Variants in WDR41 observed in about 807,000 individuals in gnomAD.
The protein encoded by WDR41 is WD repeat-containing protein 41.
In WDR41, 63 loss-of-function variants were observed where a neutral mutation model predicts 69.3. That is an observed-to-expected ratio of 0.91 (90% CI 0.74 to 1.12). The LOEUF (loss-of-function observed/expected upper bound fraction) is 1.12. WDR41 is among the 50% of genes most tolerant of loss of function. WDR41 has a pLI of 0.00. For missense variants in WDR41, 543 were observed against 534.5 expected (o/e 1.02, Z -0.16); for synonymous variants, 185 against 192.1 (o/e 0.96, Z 0.31).
intron 1 of WDR41, among the ~76,000 whole-genome samples, chr5:77,520,965 C>T (rs1802361757): frequency 6.6e-6 from 1 of 152,202 alleles, no homozygotes; most frequent in African/African-American, 2.4e-5. Flanking sequence ...CAACTCATTA[C>T]TACCACCTGA....
intron 2 of WDR41, among the ~76,000 whole-genome samples, chr5:77,483,051 T>C (rs985434648): frequency 3.2e-4 from 48 of 152,138 alleles, no homozygotes; most frequent in African/African-American, 1.1e-3. Context: ...TTCTCACAAT[T>C]TGCCACCCCA....
intron 2 of WDR41, among the ~76,000 whole-genome samples, chr5:77,472,005 A>G (rs1045238896): frequency 2.0e-5 from 3 of 152,234 alleles, no homozygotes; most frequent in African/African-American, 7.2e-5. Flanking sequence ...CCTGATGAAC[A>G]TTGATGCAGA....
chr5:77,575,053 TA>T (rs199783726), intron 1 of WDR41, among the ~76,000 whole-genome samples: 21 of 151,146 alleles, frequency 1.4e-4, no homozygotes, highest in Non-Finnish European at 2.7e-4. Flanking sequence ...TCAGAAAATT[TA>T]AAAAAAAACA....
At chr5:77,582,621 T>C (rs1743959471) in intron 1 of WDR41, 3 of 1,601,288 alleles carry the variant, frequency 1.9e-6, no homozygotes, top group African/African-American at 1.3e-5. Context: ...GCAACTTCTA[T>C]GTACCTGCAG....
At chr5:77,459,303 A>C (rs1581717400) in intron 4 of WDR41, among the ~76,000 whole-genome samples, 179 bp from the exon 5 acceptor site, 1 of 152,188 alleles carries the variant, frequency 6.6e-6, no homozygotes, top group East Asian at 1.9e-4. Context: ...TCAACTTAGC[A>C]AAGCAGGCTT....
At chr5:77,491,626 G>A (rs1801793613) in intron 1 of WDR41, among the ~76,000 whole-genome samples, 1 of 151,672 alleles carries the variant, frequency 6.6e-6, no homozygotes, top group Non-Finnish European at 1.5e-5. Flanking sequence ...AGAAAATCAT[G>A]TTCTTGACCT....
chr5:77,506,317 T>G (rs539907702), intron 1 of WDR41, among the ~76,000 whole-genome samples: 8 of 152,188 alleles, frequency 5.3e-5, no homozygotes, highest in Middle Eastern at 3.4e-3. Context: ...TCAGAGAAAT[T>G]CAAATCAAAA....
chr5:77,490,619 T>C (rs1011983514), intron 1 of WDR41, among the ~76,000 whole-genome samples: 63 of 152,028 alleles, frequency 4.1e-4, no homozygotes, highest in African/African-American at 1.5e-3. Context: ...CCACAAAGCA[T>C]TGATTTTGTA....
intron 8 of WDR41, among the ~76,000 whole-genome samples, chr5:77,449,342 C>T (rs1007026954): frequency 6.6e-6 from 1 of 152,156 alleles, no homozygotes; most frequent in Non-Finnish European, 1.5e-5. Flanking sequence ...GGCTTGAATC[C>T]TGCTCATTCT....
At chr5:77,517,818 G>A (rs974902788) in intron 1 of WDR41, among the ~76,000 whole-genome samples, 2 of 151,606 alleles carry the variant, frequency 1.3e-5, no homozygotes, top group South Asian at 2.1e-4. Flanking sequence ...TAGCCAAAAC[G>A]GTAAAAATAA....
intron 1 of WDR41, among the ~76,000 whole-genome samples, chr5:77,490,310 T>C (rs914794430): frequency 6.6e-5 from 10 of 152,108 alleles, no homozygotes; most frequent in Admixed American, 6.5e-5. Flanking sequence ...TTACAGGACA[T>C]TGAGCAGCAT....
At chr5:77,514,584 G>A (rs982025748) in intron 1 of WDR41, among the ~76,000 whole-genome samples, 14 of 152,096 alleles carry the variant, frequency 9.2e-5, no homozygotes, top group Admixed American at 2.6e-4. Context: ...AACAAACCCT[G>A]GAACATAGTA....
At chr5:77,456,782 G>A (rs1799852115) in intron 5 of WDR41, among the ~76,000 whole-genome samples, 1 of 152,124 alleles carries the variant, frequency 6.6e-6, no homozygotes, top group Non-Finnish European at 1.5e-5. Context: ...ACTCACTGCA[G>A]CCTCGAACTC....
At chr5:77,608,168 C>G (rs1744462815) in intron 1 of WDR41, among the ~76,000 whole-genome samples, 1 of 152,148 alleles carries the variant, frequency 6.6e-6, no homozygotes, top group Non-Finnish European at 1.5e-5. Flanking sequence ...TGGAATCATA[C>G]AGTATTTATC....
At chr5:77,474,439 C>T (rs1309258729) in intron 2 of WDR41, among the ~76,000 whole-genome samples, 2 of 151,434 alleles carry the variant, frequency 1.3e-5, no homozygotes, top group Non-Finnish European at 2.9e-5. Context: ...AGTATAACAA[C>T]AAAAAAAATC....
chr5:77,572,254 A>G (rs959137678), intron 1 of WDR41, among the ~76,000 whole-genome samples: 1 of 152,238 alleles, frequency 6.6e-6, no homozygotes, highest in African/African-American at 2.4e-5. Context: ...CCCACTTCGC[A>G]AAAGAGAAAA....
intron 1 of WDR41, among the ~76,000 whole-genome samples, chr5:77,524,937 C>T (rs969054717): frequency 2.0e-5 from 3 of 152,174 alleles, no homozygotes; most frequent in Non-Finnish European, 2.9e-5. Context: ...AATAATGCTT[C>T]GTTTGCCAAT....
intron 2 of WDR41, among the ~76,000 whole-genome samples, chr5:77,473,921 A>C (rs1271194050): frequency 3.3e-5 from 5 of 152,270 alleles, no homozygotes; most frequent in South Asian, 4.1e-4. Flanking sequence ...TTGACCCAGC[A>C]ATCCCATTAC....
chr5:77,545,878 T>C lies in WDR41; in HGVS notation c.43-56306A>G, dbSNP rs1743187372. ...AAGCAGTCCATTGTCCCTGTGCTAC[T>C]GGGGGACAGAGGCTACTGGGGGAAC... On this transcript the variant is annotated intron_variant, in intron 1 of 5. Transcript: ENST00000509971. 8.9e-6 allele frequency: 5 copies of C among 563,644 alleles called. No individual in the cohort carries two copies. In the South Asian group the frequency reaches 1.3e-4, roughly 14 times the overall value. The allele number at this position is 563,644 out of a possible 1,614,324, so 34.9% of individuals were successfully genotyped here.
Sources: allele counts gnomAD v4.1 joint callset (sites outside exome capture counted in the v4.1 genomes callset), GRCh38; gene constraint gnomAD v4.1.1; transcripts MANE v1.5; gene names NCBI Gene and HGNC (gene_info 2026-07-23, HGNC 2026-07-21).